The following PPP2R3B variants were observed in gnomAD, a reference collection of about 807,000 sequenced individuals.
PPP2R3B encodes protein phosphatase 2 regulatory subunit B''beta.
In PPP2R3B, 68 loss-of-function variants were observed where a neutral mutation model predicts 72.9. The observed-to-expected ratio is 0.93, with a 90% CI of 0.77 to 1.14. The LOEUF (loss-of-function observed/expected upper bound fraction) is 1.14. Ranked by LOEUF, PPP2R3B falls within the 50% of genes most tolerant of loss-of-function variation. The pLI is 0.00. For missense variants in PPP2R3B, 1,018 were observed against 842.0 expected (o/e 1.21, Z -2.59); for synonymous variants, 466 against 375.8 (o/e 1.24, Z -2.78).
chrX:352,564 G>A (rs1017108780), intron 2 of PPP2R3B, among the ~76,000 whole-genome samples: 1 of 150,414 alleles, frequency 6.6e-6, no homozygotes, highest in Non-Finnish European at 1.5e-5. Context: ...TGGATCGTCT[G>A]CCTGTGTACT....
chrX:334,619 G>T, intron 12 of PPP2R3B, 102 bp from the exon 13 acceptor site: 1 of 1,298,166 alleles, frequency 7.7e-7, no homozygotes, highest in Non-Finnish European at 9.9e-7. Context: ...TCCAGCACGA[G>T]ACAGTCCCCT....
intron 1 of PPP2R3B, among the ~76,000 whole-genome samples, chrX:376,298 C>A (rs1324943771): frequency 1.1e-5 from 1 of 92,922 alleles, no homozygotes; most frequent in Non-Finnish European, 2.9e-5. Context: ...CGAACCACCT[C>A]TGGATGCAGT....
intron 1 of PPP2R3B, among the ~76,000 whole-genome samples, chrX:366,497 C>T (rs1437655377): frequency 2.3e-4 from 1 of 4,396 alleles, no homozygotes; most frequent in Non-Finnish European, 3.4e-4. Context: ...CGCACTACTG[C>T]ACTCCAGCCT....
In PPP2R3B at chrX:334,533, G is replaced by A. The variant is rs775893822; in HGVS notation, c.1578-16C>T. The A allele has an allele frequency of 1.3e-6, 2 of 1,525,796 alleles. No homozygotes were observed. The highest frequency in any genetic ancestry group is 1.4e-5 in the African/African-American group (1 of 70,806). 94.5% of individuals were successfully genotyped at this position (1,525,796 alleles called of 1,614,324 possible). A position where few individuals can be genotyped will look rare whatever the true frequency, so the allele number is the denominator to read the frequency against. ...GGCCTCGAACCTGCAACGAGGGGAT[G>A]GCGAAGACGTGGCCAGCAGCGCGGA... On this transcript the variant is annotated splice_polypyrimidine_tract_variant and intron_variant, in intron 12 of 12. Coordinates refer to ENST00000390665, the MANE Select transcript of PPP2R3B (RefSeq NM_013239.5).
Position 345,621 on chromosome X carries a change from A to G in PPP2R3B, c.931T>C (p.Phe311Leu), listed in dbSNP as rs746269209. Residue 311 changes from phenylalanine to leucine, a missense_variant, in exon 7 of 13, where the codon TTC (phenylalanine) becomes CTC (leucine). Physicochemically the swap from Phe to Leu is conservative, Grantham distance 22. Transcript: ENST00000390665. ...ATGACGTAGAAATGCTCGTACGAGA[A>G]GAATTCGGTCAGCTGGTTGATGTCC... ...EADINQLTEFFSYEHFYVIYC... is the reference protein window; with the variant it reads ...EADINQLTEFLSYEHFYVIYC... 6.2e-7 allele frequency: 1 copy of G among 1,613,052 alleles called. No individual in the cohort carries two copies. The highest frequency in any genetic ancestry group is 8.5e-7 in the Non-Finnish European group (1 of 1,179,540).
At chrX:385,546 G>C (rs73613901) in intron 1 of PPP2R3B, among the ~76,000 whole-genome samples, 4,010 of 152,046 alleles carry the variant, frequency 0.026, 173 homozygotes, top group African/African-American at 0.092. Context: ...GATTTTGGGA[G>C]GCCGAAGCGG....
chrX:364,808 A>G lies in PPP2R3B; in HGVS notation c.325-3218T>C, dbSNP rs77370720. 5.5e-3 allele frequency among the ~76,000 whole-genome samples: 298 copies of G among 54,092 alleles called. 1 individual carries two copies. Among genetic ancestry groups the G allele is most frequent in the South Asian group, 6.4e-3 (7 of 1,088 alleles). 35.5% of individuals were successfully genotyped at this position (54,092 alleles called of 152,430 possible). On this transcript the variant is annotated intron_variant, in intron 1 of 12. Coordinates refer to ENST00000390665, the MANE Select transcript of PPP2R3B (RefSeq NM_013239.5). ...TGAGGCAGGAGAATCGCTTCAACAC[A>G]GGAGGCGGAGGTTGCAGTGAGCTGA... is the stretch of plus-strand genomic sequence containing the variant.
intron 1 of PPP2R3B, among the ~76,000 whole-genome samples, chrX:386,009 G>A (rs957343054): frequency 3.3e-5 from 5 of 152,198 alleles, no homozygotes; most frequent in African/African-American, 1.2e-4. Flanking sequence ...TTGAACCTGG[G>A]AGGCAGAGGT....
chrX:356,824 G>GCCAGCCACACAGC (rs1569397725), intron 2 of PPP2R3B, among the ~76,000 whole-genome samples: 2 of 101,254 alleles, frequency 2.0e-5, no homozygotes, highest in African/African-American at 7.7e-5. Context: ...CAGCCACACG[G>GCCAGCCACACAGC]GAGCCCCACG....
intron 1 of PPP2R3B, among the ~76,000 whole-genome samples, chrX:381,891 C>T: frequency 6.6e-6 from 1 of 152,144 alleles, no homozygotes; most frequent in East Asian, 1.9e-4. Context: ...AGCCACCGTG[C>T]CCAGCCCAAG....
At chrX:384,283 T>C (rs2072194961) in intron 1 of PPP2R3B, among the ~76,000 whole-genome samples, 1 of 127,140 alleles carries the variant, frequency 7.9e-6, no homozygotes, top group Middle Eastern at 3.8e-3. Context: ...TCTCTCTCTC[T>C]ATATATATAT....
chrX:372,506 G>A (rs955855799), intron 1 of PPP2R3B, among the ~76,000 whole-genome samples: 13 of 152,148 alleles, frequency 8.5e-5, no homozygotes, highest in African/African-American at 2.4e-4. Flanking sequence ...GATCAGATTC[G>A]GCCGCAGCCA....
Position 342,002 on chromosome X carries a change from G to C in PPP2R3B, c.1037-71C>G. 3 of 1,579,848 alleles carry C rather than the reference G, an allele frequency of 1.9e-6. No homozygotes were observed. The South Asian group carries it at 3.3e-5, about 17-fold the overall frequency. On this transcript the variant is annotated intron_variant, in intron 7 of 12. Coordinates refer to ENST00000390665, the MANE Select transcript of PPP2R3B (RefSeq NM_013239.5). The stretch of plus-strand genomic sequence containing the variant: ...CCCGACGTCACCACCCCCCGGAGCC[G>C]AGACTGGATGCGGTGGGGACCGAAA...
At chrX:337,665 C>T (rs1301687835) in intron 12 of PPP2R3B, 4 of 152,312 alleles carry the variant, frequency 2.6e-5, no homozygotes, top group Admixed American at 6.5e-5. Context: ...AGAATGGCCC[C>T]GACAGTTCCA....
chrX:376,828 G>T (rs1388207063), intron 1 of PPP2R3B, among the ~76,000 whole-genome samples: 2 of 123,098 alleles, frequency 1.6e-5, no homozygotes, highest in African/African-American at 6.2e-5. Flanking sequence ...ATACAGGGAC[G>T]GGCCGTCCAC....
intron 1 of PPP2R3B, among the ~76,000 whole-genome samples, chrX:371,666 G>A (rs1286272201): frequency 6.6e-6 from 1 of 152,102 alleles, no homozygotes; most frequent in Non-Finnish European, 1.5e-5. Flanking sequence ...GAAGGCGGAG[G>A]TGCGGCACCC....
rs1487894498 is a variant in PPP2R3B at position 353,857 on chromosome X, GGGGCTCACCCAAAGACCA to G, written c.511-6182_511-6165del. The stretch of plus-strand genomic sequence containing the variant: ...AAGACCGGGGCTCGCCCAGGGACCG[GGGGCTCACCCAAAGACCA>G]GGGCTCACCCAAAGACCGGGGGCTC... On this transcript the variant is annotated intron_variant, in intron 2 of 12. Coordinates refer to ENST00000390665, the MANE Select transcript of PPP2R3B (RefSeq NM_013239.5). 3.9e-4 allele frequency among the ~76,000 whole-genome samples: 39 copies of G among 99,918 alleles called. 1 individual carries two copies. Among genetic ancestry groups the G allele is most frequent in the African/African-American group, 1.3e-3 (35 of 27,268 alleles). 65.6% of individuals were successfully genotyped at this position (99,918 alleles called of 152,430 possible). A position where few individuals can be genotyped will look rare whatever the true frequency, so the allele number is the denominator to read the frequency against.
chrX:345,069 T>A, intron 7 of PPP2R3B: 1 of 418,858 alleles, frequency 2.4e-6, no homozygotes, highest in South Asian at 1.7e-5. Flanking sequence ...CGGCACCGGC[T>A]CCCGCGGAGG....
At chrX:359,742 G>A in intron 2 of PPP2R3B, 2 of 433,392 alleles carry the variant, frequency 4.6e-6, no homozygotes, top group Non-Finnish European at 9.0e-6. Flanking sequence ...AATGCAAGAA[G>A]TATGTATGTT....
Sources: allele counts gnomAD v4.1 joint callset (sites outside exome capture counted in the v4.1 genomes callset), GRCh38; gene constraint gnomAD v4.1.1; transcripts MANE v1.5; gene names NCBI Gene and HGNC (gene_info 2026-07-23, HGNC 2026-07-21).